Variants in OARD1 observed in about 807,000 individuals in gnomAD.
OARD1 encodes ADP-ribose glycohydrolase OARD1.
OARD1 carries 19 observed loss-of-function variants against 19.7 expected under a neutral mutation model. The observed-to-expected ratio is 0.96, with a 90% confidence interval of 0.67 to 1.41. OARD1 has a LOEUF of 1.41. OARD1 is among the 40% of genes most tolerant of loss of function. OARD1 has a pLI of 0.00. For synonymous variants in OARD1, 70 were observed against 61.8 expected, an observed-to-expected ratio of 1.13 and a Z score of -0.62; for missense variants, 190 against 183.8, an observed-to-expected ratio of 1.03 and a Z score of -0.20.
At chr6:41,080,691 G>A (rs746703305) in intron 1 of OARD1, 19 of 747,348 alleles carry the variant, frequency 2.5e-5, no homozygotes, top group Non-Finnish European at 3.7e-5. Context: ...TAGGGAGTCT[G>A]TACATTTTGA....
At chr6:41,070,508 G>A in intron 3 of OARD1, among the ~76,000 whole-genome samples, 1 of 152,260 alleles carries the variant, frequency 6.6e-6, no homozygotes, top group Non-Finnish European at 1.5e-5. Flanking sequence ...TACATACAAA[G>A]AGCTGTATAA....
At chr6:41,094,612 A>C in intron 1 of OARD1, 1 of 703,558 alleles carries the variant, frequency 1.4e-6, no homozygotes, top group East Asian at 2.7e-5. Flanking sequence ...CACATTCTCT[A>C]AACTGGATGC....
intron 1 of OARD1, among the ~76,000 whole-genome samples, chr6:41,084,808 A>C (rs1010725161): frequency 5.9e-5 from 9 of 152,172 alleles, no homozygotes; most frequent in Admixed American, 6.6e-5. Flanking sequence ...ACTAAAAATA[A>C]AAAATTAGCC....
intron 1 of OARD1, among the ~76,000 whole-genome samples, chr6:41,093,485 TC>T (rs1764251857): frequency 6.6e-6 from 1 of 151,710 alleles, no homozygotes; most frequent in African/African-American, 2.4e-5. Flanking sequence ...TTTTTTTTTT[TC>T]CTGAGACTCA....
chr6:41,092,896 T>C, intron 1 of OARD1: 1 of 1,609,548 alleles, frequency 6.2e-7, no homozygotes, highest in Non-Finnish European at 8.5e-7. Flanking sequence ...TAAGCTCTGG[T>C]TTCCTGTTCA....
Position 41,071,315 on chromosome 6 carries a change from A to T in OARD1, c.40-39T>A, listed in dbSNP as rs377591934. On this transcript the variant is annotated intron_variant, in intron 2 of 5. Coordinates refer to ENST00000424266, the MANE Select transcript of OARD1 (RefSeq NM_001329686.2). Reference sequence around the variant, plus strand: ...AAAGGAAAAGACAATGTTTTATTAGATACAGTAAAATACTAAGCTATTTTT... The same window carrying T: ...AAAGGAAAAGACAATGTTTTATTAGTTACAGTAAAATACTAAGCTATTTTT... 19 of 1,567,770 alleles carry T rather than the reference A, an allele frequency of 1.2e-5. No homozygotes were observed. The African/African-American group carries it at 2.4e-4, about 20-fold the overall frequency.
chr6:41,070,171 A>T, intron 3 of OARD1, 37 bp from the exon 4 acceptor site: 1 of 1,085,524 alleles, frequency 9.2e-7, no homozygotes, highest in Non-Finnish European at 1.4e-6. Flanking sequence ...AATGAAAAAG[A>T]AAACCAAACA....
intron 1 of OARD1, chr6:41,080,707 C>A: frequency 1.1e-6 from 1 of 907,424 alleles, no homozygotes. Context: ...TTTGAAAGTC[C>A]TTCAGGCTTC....
intron 1 of OARD1, chr6:41,079,265 C>A: frequency 8.9e-7 from 1 of 1,127,088 alleles, no homozygotes; most frequent in Non-Finnish European, 1.3e-6. Context: ...TGAAAGATAC[C>A]AGATCTTGTG....
chr6:41,074,043 T>G (rs1477396677), upstream of OARD1, among the ~76,000 whole-genome samples: 1 of 152,256 alleles, frequency 6.6e-6, no homozygotes, highest in African/African-American at 2.4e-5. Context: ...TTCATATTAC[T>G]AATCTTATCC....
intron 3 of OARD1, 111 bp downstream of exon 3, chr6:41,071,021 A>G (rs190974716): frequency 3.3e-5 from 39 of 1,178,658 alleles, no homozygotes; most frequent in Non-Finnish European, 4.8e-5. Context: ...AAAATCTTAA[A>G]AACATTTGGT....
At chr6:41,086,938 T>A (rs1468468443) in intron 1 of OARD1, among the ~76,000 whole-genome samples, 1 of 152,182 alleles carries the variant, frequency 6.6e-6, no homozygotes, top group Admixed American at 6.5e-5. Context: ...ATTTTTATGC[T>A]ATAGAGAAGG....
Position 41,070,099 on chromosome 6 carries a change from C to T in OARD1, c.220G>A (p.Asp74Asn). 1 of 1,594,526 alleles carries T rather than the reference C, an allele frequency of 6.3e-7. No homozygotes were observed. The highest frequency in any genetic ancestry group is 1.1e-5 in the South Asian group (1 of 90,240). The change falls in exon 4 of 6, where the codon GAT becomes AAT. Residue 74 changes from aspartate (D) to asparagine (N), a missense_variant. Coordinates refer to ENST00000424266, the MANE Select transcript of OARD1 (RefSeq NM_001329686.2). ...KSGEVAVLKR[D>N]GRYIYYLITK... Reference sequence around the variant, plus strand: ...ACCAAGTAATATATATATCGCCCATCTCTCTTCAGAACAGCCACTTCTCCA... The same window carrying T: ...ACCAAGTAATATATATATCGCCCATTTCTCTTCAGAACAGCCACTTCTCCA...
chr6:41,071,896 G>A (rs893390800), intron 1 of OARD1: 3 of 479,786 alleles, frequency 6.3e-6, no homozygotes, highest in Non-Finnish European at 1.1e-5. Flanking sequence ...GTGCTTTCCT[G>A]GAGCGCCCCG....
rs989945998 is a variant in OARD1, at chr6:41,069,047, A to C, written c.244-94T>G. 7.8e-6 allele frequency: 5 copies of C among 643,148 alleles called. No individual in the cohort carries two copies. The African/African-American group carries it at 9.3e-5, about 12-fold the overall frequency. The allele number at this position is 643,148 out of a possible 1,614,324, so 39.8% of individuals were successfully genotyped here. On this transcript the variant is annotated intron_variant, in intron 4 of 5. Transcript: ENST00000424266. Reference sequence around the variant, plus strand: ...CAACATCCCAATAATTAAAAGAGTAAGCACATTTTTATAGAATTAGTCTAG... The same window carrying C: ...CAACATCCCAATAATTAAAAGAGTACGCACATTTTTATAGAATTAGTCTAG...
In OARD1 at chr6:41,091,845, A is replaced by G. The variant is rs1214449603; in HGVS notation, c.-42+5868T>C. On this transcript the variant is annotated intron_variant, in intron 1 of 4. Coordinates refer to the OARD1 transcript ENST00000480585. ...TACTTTGACAATAACATTATGACAAACCATAATTCATTCTGAGCACCTACT... is the reference window on the plus strand; with the variant it reads ...TACTTTGACAATAACATTATGACAAGCCATAATTCATTCTGAGCACCTACT... The G allele has an allele frequency of 5.9e-6, 5 of 854,194 alleles. No homozygotes were observed. In the African/African-American group the frequency reaches 6.9e-5, roughly 12 times the overall value. 52.9% of individuals were successfully genotyped at this position (854,194 alleles called of 1,614,324 possible).
chr6:41,084,296 T>C, intron 1 of OARD1: 1 of 1,318,592 alleles, frequency 7.6e-7, no homozygotes. Context: ...AACTGCTTCC[T>C]AACCCACATT....
At chr6:41,095,731 CT>C (rs965421485) in intron 1 of OARD1, among the ~76,000 whole-genome samples, 1 of 152,156 alleles carries the variant, frequency 6.6e-6, no homozygotes, top group Non-Finnish European at 1.5e-5. Flanking sequence ...GCACTTGGCC[CT>C]TTTCTTTACA....
rs1339889937 is a variant in OARD1, at chr6:41,068,870, C to T, written c.327G>A (p.Lys109=). 6.2e-7 allele frequency: 1 copy of T among 1,605,496 alleles called. No homozygotes were observed. The highest frequency in any genetic ancestry group is 8.5e-7 in the Non-Finnish European group (1 of 1,174,114). Residue 109 remains lysine (K), a synonymous_variant, in exon 5 of 6, where the codon AAG becomes AAA. Transcript: ENST00000424266. ...SLEAMKSHCL[K]NGVTDLSMPR... Reference sequence around the variant, plus strand: ...GCATGGAGAGGTCAGTGACTCCATTCTTCAGACAATGAGACTTCATTGCCT... The same window carrying T: ...GCATGGAGAGGTCAGTGACTCCATTTTTCAGACAATGAGACTTCATTGCCT...
Sources: gnomAD v4.1 joint callset for allele counts (sites outside exome capture counted in the v4.1 genomes callset) on GRCh38, gnomAD v4.1.1 for gene constraint, MANE v1.5 for transcripts, NCBI Gene and HGNC (gene_info 2026-07-23, HGNC 2026-07-21) for gene names.